The following SKIL variants were observed in gnomAD, a reference collection of about 807,000 sequenced individuals.
The protein encoded by SKIL is SKI like proto-oncogene.
SKIL carries 20 observed loss-of-function variants against 69.6 expected under a neutral mutation model. That is an observed-to-expected ratio of 0.29 (90% CI 0.20 to 0.42). SKIL has a LOEUF of 0.42. SKIL is among the 10% of genes least tolerant of loss of function. The pLI is 1.00. For synonymous variants in SKIL, 310 were observed against 279.9 expected (o/e 1.11, Z -1.08); for missense variants, 745 against 783.1 (o/e 0.95, Z 0.58).
At chr3:170,381,138 A>C in intron 2 of SKIL, 106 bp from the exon 3 acceptor site, 1 of 691,156 alleles carries the variant, frequency 1.4e-6, no homozygotes, top group Admixed American at 2.0e-5. Flanking sequence ...GATGACTCTT[A>C]AATAATGTTA....
chr3:170,382,909 A>G (rs1577437137), intron 3 of SKIL, among the ~76,000 whole-genome samples: 1 of 147,664 alleles, frequency 6.8e-6, no homozygotes. Context: ...AGAAGAGACG[A>G]GGTTTCACCA....
intron 4 of SKIL, among the ~76,000 whole-genome samples, chr3:170,389,415 G>A (rs900040529): frequency 2.1e-4 from 31 of 148,684 alleles, no homozygotes; most frequent in African/African-American, 6.2e-4. Context: ...CCAGGTTCAC[G>A]CCATTCTTCT....
At chr3:170,362,871 C>G (rs1736317046) in intron 2 of SKIL, among the ~76,000 whole-genome samples, 1 of 148,162 alleles carries the variant, frequency 6.7e-6, no homozygotes, top group African/African-American at 2.5e-5. Flanking sequence ...ATTTTTCCTG[C>G]TGCATTATCT....
At chr3:170,363,656 T>C (rs1425170264) in intron 2 of SKIL, among the ~76,000 whole-genome samples, 5 of 151,864 alleles carry the variant, frequency 3.3e-5, no homozygotes, top group African/African-American at 1.2e-4. Context: ...CTTTAATTTT[T>C]GTTATTTTTA....
chr3:170,375,615 C>T (rs1303022549), intron 2 of SKIL, among the ~76,000 whole-genome samples: 1 of 152,084 alleles, frequency 6.6e-6, no homozygotes, highest in Non-Finnish European at 1.5e-5. Flanking sequence ...ACACTGTTGC[C>T]TAGGCTGCAG....
Position 170,387,759 on chromosome 3 carries a change from T to TAAA in SKIL, c.1430-2451_1430-2449dup, listed in dbSNP as rs748924498. ...TAAAACGGTGAAACCCCGTCTCTAC[T>TAAA]AAAAAAAAAAAAAAATACAAAAAAA... On this transcript the variant is annotated intron_variant, in intron 4 of 6. Transcript: ENST00000259119. Among the ~76,000 whole-genome samples the TAAA allele has an allele frequency of 3.1e-3, 180 of 57,688 alleles. 7 individuals carry two copies. The highest frequency in any genetic ancestry group is 7.7e-3 in the African/African-American group (166 of 21,676). 37.8% of individuals were successfully genotyped at this position (57,688 alleles called of 152,430 possible).
intron 2 of SKIL, among the ~76,000 whole-genome samples, chr3:170,380,021 TAGAATTA>T (rs1303019605): frequency 1.3e-5 from 2 of 152,162 alleles, no homozygotes; most frequent in Non-Finnish European, 2.9e-5. Flanking sequence ...GGATATTTGT[TAGAATTA>T]AGAATGATGT....
In SKIL at chr3:170,396,788, A is replaced by G. The variant is rs1194833517; in HGVS notation, c.*4371A>G. ...TTTTCATGCCTTGTAAATAACTTGT[A>G]TAGATTGTGGATCAAATACTAAATA... is the stretch of plus-strand genomic sequence containing the variant. On this transcript the variant is annotated 3_prime_UTR_variant, in exon 7 of 7. Coordinates refer to ENST00000259119, the MANE Select transcript of SKIL (RefSeq NM_005414.5). 1.3e-5 allele frequency: 2 copies of G among 152,246 alleles called. No individual in the cohort carries two copies. Among genetic ancestry groups the G allele is most frequent in the East Asian group, 1.9e-4 (1 of 5,208 alleles). The allele number at this position is 152,246 out of a possible 1,614,324, so 9.4% of individuals were successfully genotyped here. A position where few individuals can be genotyped will look rare whatever the true frequency, so the allele number is the denominator to read the frequency against.
At chr3:170,370,421 CAGAGAG>C (rs35595653) in intron 2 of SKIL, among the ~76,000 whole-genome samples, 2 of 53,508 alleles carry the variant, frequency 3.7e-5, no homozygotes, top group African/African-American at 5.8e-5. Context: ...TGTATATATA[CAGAGAG>C]AGAGAGAGAG....
chr3:170,376,070 C>G (rs1456622717), intron 2 of SKIL, among the ~76,000 whole-genome samples: 4 of 102,264 alleles, frequency 3.9e-5, no homozygotes, highest in Non-Finnish European at 5.4e-5. Flanking sequence ...TTTTTTGAGA[C>G]GGAGTTTCAC....
At chr3:170,367,336 T>G (rs1197714520) in intron 2 of SKIL, among the ~76,000 whole-genome samples, 2 of 152,144 alleles carry the variant, frequency 1.3e-5, no homozygotes, top group African/African-American at 4.8e-5. Flanking sequence ...GGTCTCGATC[T>G]CCTGACGTCG....
chr3:170,360,723 C>T lies in SKIL; in HGVS notation c.392C>T (p.Pro131Leu). ...FLPLPSPQVL[P>L]GPLLIPSDSS... ...CCTCTTCCATCACCTCAGGTTCTTC[C>T]TGGCCCATTGCTCATCCCTTCAGAT... Residue 131 changes from proline (P) to leucine (L), a missense_variant, in exon 2 of 7, where the codon CCT becomes CTT. Transcript: ENST00000259119. 1.2e-6 allele frequency: 2 copies of T among 1,614,200 alleles called. No homozygotes were observed. The highest frequency in any genetic ancestry group is 1.7e-6 in the Non-Finnish European group (2 of 1,180,040).
intron 3 of SKIL, among the ~76,000 whole-genome samples, chr3:170,383,366 T>G (rs1236385220): frequency 6.6e-6 from 1 of 152,248 alleles, no homozygotes; most frequent in Non-Finnish European, 1.5e-5. Context: ...ACAATATAGA[T>G]GTCTTAGTAC....
At chr3:170,365,144 G>T (rs906960068) in intron 2 of SKIL, among the ~76,000 whole-genome samples, 2 of 152,074 alleles carry the variant, frequency 1.3e-5, no homozygotes, top group African/African-American at 4.8e-5. Flanking sequence ...ATTTTTTAGG[G>T]TCTGTGAGGA....
chr3:170,372,958 T>C (rs1035239812), intron 2 of SKIL, among the ~76,000 whole-genome samples: 20 of 151,762 alleles, frequency 1.3e-4, no homozygotes, highest in African/African-American at 4.6e-4. Flanking sequence ...TATAGCACTT[T>C]AAAAATTCTG....
At position 170,361,074 on chromosome 3, in the gene SKIL, C is replaced by T. The variant is rs1736205792; in HGVS notation, c.743C>T (p.Ala248Val). 6.2e-7 allele frequency: 1 copy of T among 1,614,220 alleles called. No homozygotes were observed. Among genetic ancestry groups the T allele is most frequent in the Non-Finnish European group, 8.5e-7 (1 of 1,180,032 alleles). Residue 248 changes from alanine to valine, a missense_variant, in exon 2 of 7, where the codon GCT (alanine) becomes GTT (valine). By Grantham distance (64) the Ala-to-Val change is moderately conservative. Transcript: ENST00000259119. The part of the protein sequence containing the change: ...TFPQNGSVLP[A>V]KSSLAQLKET... ...CCTCAAAATGGTAGCGTACTTCCTG[C>T]TAAAAGCTCATTGGCCCAGTTAAAG...
At chr3:170,362,609 GT>G (rs1473267435) in intron 2 of SKIL, among the ~76,000 whole-genome samples, 2 of 151,920 alleles carry the variant, frequency 1.3e-5, no homozygotes, top group Non-Finnish European at 2.9e-5. Context: ...CAGGTCAGGA[GT>G]TTGAGACCAG....
chr3:170,395,538 A>G lies in SKIL; in HGVS notation c.*3121A>G, dbSNP rs1738147508. The G allele has an allele frequency of 6.6e-6, 1 of 152,102 alleles. No individual in the cohort carries two copies. Among genetic ancestry groups the G allele is most frequent in the Non-Finnish European group, 1.5e-5 (1 of 67,940 alleles). 9.4% of individuals were successfully genotyped at this position (152,102 alleles called of 1,614,324 possible). A position where few individuals can be genotyped will look rare whatever the true frequency, so the allele number is the denominator to read the frequency against. On this transcript the variant is annotated 3_prime_UTR_variant, in exon 7 of 7. Transcript: ENST00000259119. Reference sequence around the variant, plus strand: ...TTTTAGAAGTCCTGACAGAACAACCAGTTTATTTGCACATAGGTAGCTTCT... The same window carrying G: ...TTTTAGAAGTCCTGACAGAACAACCGGTTTATTTGCACATAGGTAGCTTCT...
At position 170,360,941 on chromosome 3, in the gene SKIL, A is replaced by G. The variant is rs1468223151; in HGVS notation, c.610A>G (p.Ile204Val). The change falls in exon 2 of 7, where the codon ATC (isoleucine) becomes GTC (valine). Residue 204 changes from isoleucine to valine, a missense_variant. Transcript: ENST00000259119. ...CSRCTSDQLHILKVLGILPFN... is the reference protein window; with the variant it reads ...CSRCTSDQLHVLKVLGILPFN... ...AAGGTGTACTTCAGACCAGCTTCAT[A>G]TCTTAAAGGTACTGGGCATACTTCC... 2.5e-6 allele frequency: 4 copies of G among 1,614,084 alleles called. No individual in the cohort carries two copies. The highest frequency in any genetic ancestry group is 2.2e-5 in the South Asian group (2 of 91,094).
Sources: allele counts gnomAD v4.1 joint callset (sites outside exome capture counted in the v4.1 genomes callset), GRCh38; gene constraint gnomAD v4.1.1; transcripts MANE v1.5; gene names NCBI Gene and HGNC (gene_info 2026-07-23, HGNC 2026-07-21).